The following FBLN1 variants were observed in gnomAD, a reference collection of about 807,000 sequenced individuals.
The protein encoded by FBLN1 is fibulin 1.
In FBLN1, 34 loss-of-function variants were observed where a neutral mutation model predicts 89.7. The observed-to-expected ratio is 0.38, with a 90% CI of 0.29 to 0.50. FBLN1 has a LOEUF of 0.50. Among genes scored for constraint, FBLN1 ranks in the 20% least tolerant of loss-of-function variants. FBLN1 has a pLI of 0.92. For missense variants in FBLN1, 777 were observed against 988.1 expected, an observed-to-expected ratio of 0.79 and a Z score of 2.86; for synonymous variants, 393 against 391.3, an observed-to-expected ratio of 1.00 and a Z score of -0.05.
At chr22:45,567,782 C>G (rs1295832041) in intron 14 of FBLN1, among the ~76,000 whole-genome samples, 2 of 152,068 alleles carry the variant, frequency 1.3e-5, no homozygotes, top group African/African-American at 4.8e-5. Context: ...GTCTGCAGTT[C>G]AGGCCCACCT....
intron 14 of FBLN1, among the ~76,000 whole-genome samples, chr22:45,554,482 G>C (rs752237805): frequency 4.6e-5 from 7 of 152,210 alleles, no homozygotes; most frequent in Admixed American, 6.5e-5. Flanking sequence ...CTGACTCCCA[G>C]GCCAGTCCTT....
At chr22:45,554,341 C>T (rs548476789) in intron 14 of FBLN1, among the ~76,000 whole-genome samples, 1 of 152,336 alleles carries the variant, frequency 6.6e-6, no homozygotes, top group South Asian at 2.1e-4. Context: ...TCTCAGATCG[C>T]CTGGAGCACT....
intron 2 of FBLN1, among the ~76,000 whole-genome samples, chr22:45,520,489 C>G (rs2088235532): frequency 6.6e-6 from 1 of 152,178 alleles, no homozygotes; most frequent in Non-Finnish European, 1.5e-5. Flanking sequence ...ACAGCCTGCC[C>G]TAACAACCTC....
intron 4 of FBLN1, among the ~76,000 whole-genome samples, chr22:45,528,751 C>T (rs1169853121): frequency 6.6e-6 from 1 of 152,202 alleles, no homozygotes; most frequent in East Asian, 1.9e-4. Flanking sequence ...TGAACCATTA[C>T]AGGTAACACG....
In FBLN1 at chr22:45,534,292, C is replaced by CAAAAAAAAAAAAAAA. The variant is rs136746; in HGVS notation, c.784+408_784+422dup. Among the ~76,000 whole-genome samples the CAAAAAAAAAAAAAAA allele has an allele frequency of 5.8e-4, 48 of 83,228 alleles. 3 individuals are homozygous for CAAAAAAAAAAAAAAA. The highest frequency in any genetic ancestry group is 1.8e-3 in the East Asian group (4 of 2,262). 54.6% of individuals were successfully genotyped at this position (83,228 alleles called of 152,430 possible). A position where few individuals can be genotyped will look rare whatever the true frequency, so the allele number is the denominator to read the frequency against. On this transcript the variant is annotated intron_variant, in intron 7 of 16. Coordinates refer to ENST00000327858, the MANE Select transcript of FBLN1 (RefSeq NM_006486.3). The stretch of plus-strand genomic sequence containing the variant: ...TTCAGGTTCTCACATGTACTTTCTA[C>CAAAAAAAAAAAAAAA]AAAAAAAAAAAAAAAAAAAAAAAAA...
intron 14 of FBLN1, among the ~76,000 whole-genome samples, chr22:45,554,067 G>C (rs946774449): frequency 6.6e-6 from 1 of 152,244 alleles, no homozygotes; most frequent in African/African-American, 2.4e-5. Context: ...TGAAAGCCAA[G>C]CTTGCCCCTT....
intron 16 of FBLN1, among the ~76,000 whole-genome samples, chr22:45,584,492 T>C (rs1211848275): frequency 6.6e-6 from 1 of 152,232 alleles, no homozygotes; most frequent in Admixed American, 6.5e-5. Flanking sequence ...CGCGGCAAAC[T>C]GCTCTGGGCT....
In FBLN1 at chr22:45,548,630, C is replaced by G; in HGVS notation, c.1459C>G (p.Leu487Val). The G allele has an allele frequency of 6.2e-7, 1 of 1,613,750 alleles. No individual in the cohort carries two copies. The highest frequency in any genetic ancestry group is 1.1e-5 in the South Asian group (1 of 91,084). ...CGTTGCAGACATCGACGAGTGCGCCCTGCCCACCGGGGGCCACATCTGCTC... is the reference window on the plus strand; with the variant it reads ...CGTTGCAGACATCGACGAGTGCGCCGTGCCCACCGGGGGCCACATCTGCTC... ...VTCEDIDECA[L>V]PTGGHICSYR... The change falls in exon 13 of 17, where the codon CTG becomes GTG. Residue 487 changes from leucine to valine, a missense_variant. Leu to Val is a conservative substitution (Grantham distance 32). Transcript: ENST00000327858.
At chr22:45,538,637 G>A (rs191117118) in intron 8 of FBLN1, among the ~76,000 whole-genome samples, 80 of 152,274 alleles carry the variant, frequency 5.3e-4, no homozygotes, top group Admixed American at 3.0e-3. Context: ...GTTTCAGGCC[G>A]TCTGGGAGAG....
At chr22:45,584,693 A>C (rs1433833857) in intron 16 of FBLN1, among the ~76,000 whole-genome samples, 1 of 150,940 alleles carries the variant, frequency 6.6e-6, no homozygotes, top group Non-Finnish European at 1.5e-5. Context: ...TGGGAGGAAG[A>C]AGTTTGGAAA....
chr22:45,567,133 A>G (rs739212), intron 14 of FBLN1, among the ~76,000 whole-genome samples: 101,792 of 152,112 alleles, frequency 0.67, 34,247 homozygotes, highest in African/African-American at 0.75. Flanking sequence ...CTGTGCTCTG[A>G]TCCCCTGTCC....
At chr22:45,598,311 C>T (rs1569271158) in intron 16 of FBLN1, among the ~76,000 whole-genome samples, 1 of 152,200 alleles carries the variant, frequency 6.6e-6, no homozygotes, top group Non-Finnish European at 1.5e-5. Context: ...CGGAAATTTG[C>T]CATAGAAATT....
rs1238872385 is a variant in FBLN1 at position 45,549,406 on chromosome 22, C to T, written c.1573+662C>T. Among the ~76,000 whole-genome samples, 2 of 152,138 alleles carry T rather than the reference C, an allele frequency of 1.3e-5. No homozygotes were observed. Among genetic ancestry groups the T allele is most frequent in the Non-Finnish European group, 2.9e-5 (2 of 68,026 alleles). On this transcript the variant is annotated intron_variant, in intron 13 of 16. Transcript: ENST00000327858. This position sits in a 1 kb window ranked among gnomAD's most constrained non-coding sequence, Gnocchi z 5.7. ...GGGAGCCCCACACAGGACTGTGGAT[C>T]CTGGGGCTCTGGAAGCCCCCTGGGT... is the stretch of plus-strand genomic sequence containing the variant.
At chr22:45,585,657 C>T (rs1484527985) in intron 16 of FBLN1, among the ~76,000 whole-genome samples, 3 of 152,182 alleles carry the variant, frequency 2.0e-5, no homozygotes, top group Non-Finnish European at 1.5e-5. Flanking sequence ...GTGCTGGGCC[C>T]GGCCTCCTCT....
chr22:45,512,375 G>A (rs541364845), intron 1 of FBLN1, among the ~76,000 whole-genome samples: 1 of 152,194 alleles, frequency 6.6e-6, no homozygotes, highest in African/African-American at 2.4e-5. Context: ...CCTATGAGGC[G>A]TGGAGTTGGC....
chr22:45,539,855 C>G (rs1216649074), intron 8 of FBLN1, among the ~76,000 whole-genome samples: 1 of 152,220 alleles, frequency 6.6e-6, no homozygotes, highest in Non-Finnish European at 1.5e-5. Context: ...TTTGGGGAAT[C>G]TAGTCTGAGT....
chr22:45,527,910 A>G lies in FBLN1; in HGVS notation c.385A>G (p.Ser129Gly). ...AQAQGQSCEY[S>G]LMVGYQCGQV... ...GGCCCAGGGCCAGAGCTGCGAGTAC[A>G]GCCTCATGGTTGGCTACCAGTGTGG... The change falls in exon 4 of 17, where the codon AGC becomes GGC. Residue 129 changes from serine (S) to glycine (G), a missense_variant. Ser to Gly is a moderately conservative substitution (Grantham distance 56, BLOSUM62 0). Transcript: ENST00000327858. The G allele has an allele frequency of 1.2e-6, 2 of 1,614,180 alleles. No individual in the cohort carries two copies. Among genetic ancestry groups the G allele is most frequent in the Non-Finnish European group, 1.7e-6 (2 of 1,180,038 alleles).
chr22:45,571,130 A>G (rs1032622565), intron 14 of FBLN1, among the ~76,000 whole-genome samples: 13 of 150,632 alleles, frequency 8.6e-5, no homozygotes, highest in South Asian at 2.1e-4. Flanking sequence ...AAAAAAAAAA[A>G]AAAAAAGAAA....
Position 45,550,722 on chromosome 22 carries a change from G to T in FBLN1, c.1697+107G>T, listed in dbSNP as rs1271451889. On this transcript the variant is annotated intron_variant, in intron 14 of 16. Transcript: ENST00000327858. The surrounding 1 kb of genome is among the most constrained non-coding windows in gnomAD (Gnocchi z 8.4). ...GGCTGTGACCTCGGTGTCCTCCCAT[G>T]AGGGACTCAGGGCACTCAAAGATCA... 6.7e-7 allele frequency: 1 copy of T among 1,503,712 alleles called. No individual in the cohort carries two copies. Among genetic ancestry groups the T allele is most frequent in the Non-Finnish European group, 9.2e-7 (1 of 1,084,118 alleles). 93.1% of individuals were successfully genotyped at this position (1,503,712 alleles called of 1,614,324 possible). A position where few individuals can be genotyped will look rare whatever the true frequency, so the allele number is the denominator to read the frequency against.
Sources: allele counts gnomAD v4.1 joint callset (sites outside exome capture counted in the v4.1 genomes callset), GRCh38; gene constraint gnomAD v4.1.1; non-coding constraint Gnocchi (gnomAD v3.1); transcripts MANE v1.5; gene names NCBI Gene and HGNC (gene_info 2026-07-23, HGNC 2026-07-21).